The following SND1 variants were observed in gnomAD, a reference collection of about 807,000 sequenced individuals.
SND1 encodes staphylococcal nuclease domain-containing protein 1.
Under a neutral mutation model 121.7 loss-of-function variants are expected in SND1, and 38 were observed. That is an observed-to-expected ratio of 0.31 (90% confidence interval 0.24 to 0.41). SND1 has a LOEUF of 0.41. Among genes scored for constraint, SND1 ranks in the 10% least tolerant of loss-of-function variants. The pLI, the probability that SND1 is intolerant of heterozygous loss-of-function variation, is 1.00. For synonymous variants in SND1, 401 were observed against 447.4 expected, an observed-to-expected ratio of 0.90 and a Z score of 1.31; for missense variants, 868 against 1,184.6, an observed-to-expected ratio of 0.73 and a Z score of 3.92.
At chr7:127,926,565 T>TTC (rs1800840669) in intron 14 of SND1, among the ~76,000 whole-genome samples, 2 of 142,000 alleles carry the variant, frequency 1.4e-5, no homozygotes, top group Non-Finnish European at 3.1e-5. Context: ...TTTTTTTTTT[T>TTC]TTTTTTTGTC....
intron 14 of SND1, among the ~76,000 whole-genome samples, chr7:127,924,557 T>C (rs980089617): frequency 1.3e-5 from 2 of 152,168 alleles, no homozygotes; most frequent in African/African-American, 4.8e-5. Flanking sequence ...CACACCGACA[T>C]CCTAAACCCT....
chr7:127,960,559 G>T (rs772844020), intron 15 of SND1, among the ~76,000 whole-genome samples: 1 of 152,204 alleles, frequency 6.6e-6, no homozygotes, highest in Non-Finnish European at 1.5e-5. Flanking sequence ...CTGAGGTTAA[G>T]TAATGATGAA....
At chr7:127,963,104 T>C (rs1303144207) in intron 15 of SND1, among the ~76,000 whole-genome samples, 1 of 152,218 alleles carries the variant, frequency 6.6e-6, no homozygotes, top group Non-Finnish European at 1.5e-5. Context: ...CATTATGTTC[T>C]GACCTGAACA....
At position 128,015,911 on chromosome 7, in the gene SND1, C is replaced by G. The variant is rs868577050; in HGVS notation, c.1779+24855C>G. On this transcript the variant is annotated intron_variant, in intron 16 of 23. Transcript: ENST00000354725. This position sits in a 1 kb window ranked among gnomAD's most constrained non-coding sequence, Gnocchi z 4.5. ...GCAGCAGCCTACCATGCTGCCCCTT[C>G]CACTTTAGATAGGGCCATGCAATGT... Among the ~76,000 whole-genome samples the G allele has an allele frequency of 6.6e-6, 1 of 152,182 alleles. No individual in the cohort carries two copies. The highest frequency in any genetic ancestry group is 2.4e-5 in the African/African-American group (1 of 41,436).
At chr7:127,892,361 A>G (rs554518027) in intron 13 of SND1, among the ~76,000 whole-genome samples, 2 of 152,194 alleles carry the variant, frequency 1.3e-5, no homozygotes, top group East Asian at 1.9e-4. Flanking sequence ...AAGAATACCA[A>G]TTTGCAGTTT....
At chr7:127,911,722 G>A (rs1337152613) in intron 14 of SND1, among the ~76,000 whole-genome samples, 1 of 152,040 alleles carries the variant, frequency 6.6e-6, no homozygotes, top group African/African-American at 2.4e-5. Flanking sequence ...GGCTGGTCTT[G>A]AACTCCTGAC....
chr7:127,754,522 T>A (rs759735888), intron 10 of SND1, among the ~76,000 whole-genome samples: 10 of 152,228 alleles, frequency 6.6e-5, no homozygotes, highest in Non-Finnish European at 1.2e-4. Flanking sequence ...GGTTGATAGA[T>A]CATTTGTTAT....
At position 127,718,898 on chromosome 7, in the gene SND1, G is replaced by T. The variant is rs1796440110; in HGVS notation, c.1039-2389G>T. The T allele has an allele frequency of 9.6e-6, 3 of 311,058 alleles. No individual in the cohort carries two copies. In the South Asian group the frequency reaches 3.8e-4, roughly 39 times the overall value. The allele number at this position is 311,058 out of a possible 1,614,324, so 19.3% of individuals were successfully genotyped here. A position where few individuals can be genotyped will look rare whatever the true frequency, so the allele number is the denominator to read the frequency against. On this transcript the variant is annotated intron_variant, in intron 9 of 23. Coordinates refer to ENST00000354725, the MANE Select transcript of SND1 (RefSeq NM_014390.4). Reference sequence around the variant, plus strand: ...GGAATTCACAACAAGAATTTGTTTTGGTTTGAGAGAAGGTGTAGATCTGTC... The same window carrying T: ...GGAATTCACAACAAGAATTTGTTTTTGTTTGAGAGAAGGTGTAGATCTGTC...
intron 10 of SND1, among the ~76,000 whole-genome samples, chr7:127,793,975 T>A (rs1797963676): frequency 6.6e-6 from 1 of 152,214 alleles, no homozygotes; most frequent in South Asian, 2.1e-4. Context: ...GAAATTGCTA[T>A]GCCAGCTGGG....
At chr7:127,984,480 C>T (rs1464464589) in intron 15 of SND1, among the ~76,000 whole-genome samples, 1 of 152,220 alleles carries the variant, frequency 6.6e-6, no homozygotes, top group Non-Finnish European at 1.5e-5. Context: ...CCAGGTGTGT[C>T]AGACTAAACC....
At chr7:127,722,567 A>G (rs1014186693) in intron 10 of SND1, among the ~76,000 whole-genome samples, 1 of 152,116 alleles carries the variant, frequency 6.6e-6, no homozygotes, top group Non-Finnish European at 1.5e-5. Context: ...TAACTAAAAA[A>G]AGGTAGATAA....
At chr7:127,878,529 C>A (rs1306439940) in intron 12 of SND1, among the ~76,000 whole-genome samples, 1 of 152,184 alleles carries the variant, frequency 6.6e-6, no homozygotes, top group African/African-American at 2.4e-5. Context: ...CAGCTCTTGA[C>A]AACCCTTGGT....
chr7:127,829,451 T>G (rs1798700204), intron 11 of SND1, among the ~76,000 whole-genome samples: 1 of 152,224 alleles, frequency 6.6e-6, no homozygotes, highest in Non-Finnish European at 1.5e-5. Context: ...GTGGACAGAT[T>G]AGGAGATTAA....
At chr7:128,070,281 G>A (rs1793386980) in intron 16 of SND1, among the ~76,000 whole-genome samples, 1 of 152,228 alleles carries the variant, frequency 6.6e-6, no homozygotes, top group African/African-American at 2.4e-5. Flanking sequence ...TGGGCACTAA[G>A]TAGAGGGGAA....
intron 14 of SND1, among the ~76,000 whole-genome samples, chr7:127,905,083 A>T (rs1440729205): frequency 6.6e-6 from 1 of 152,004 alleles, no homozygotes; most frequent in Non-Finnish European, 1.5e-5. Flanking sequence ...CTGTATTTTG[A>T]GTTTGGAAGG....
chr7:128,074,447 C>G, intron 16 of SND1, 55 bp from the exon 17 acceptor site: 2 of 1,544,860 alleles, frequency 1.3e-6, no homozygotes, highest in East Asian at 2.3e-5. Flanking sequence ...ACGGGCACAG[C>G]CCCTGCACAC....
intron 10 of SND1, among the ~76,000 whole-genome samples, chr7:127,756,227 A>G (rs1797191950): frequency 6.6e-6 from 1 of 152,070 alleles, no homozygotes; most frequent in African/African-American, 2.4e-5. Context: ...GGGGAGATGG[A>G]TTCTATTTTC....
At chr7:128,070,058 TG>T (rs1356157686) in intron 16 of SND1, among the ~76,000 whole-genome samples, 2 of 152,238 alleles carry the variant, frequency 1.3e-5, no homozygotes, top group Non-Finnish European at 2.9e-5. Flanking sequence ...CAAGAGATGC[TG>T]GCAGACCAGC....
chr7:127,788,668 A>G (rs1211475150), intron 10 of SND1, among the ~76,000 whole-genome samples: 1 of 152,196 alleles, frequency 6.6e-6, no homozygotes, highest in African/African-American at 2.4e-5. Context: ...GTCTTCAGAA[A>G]TCGCTTTGAA....
Sources: gnomAD v4.1 joint callset for allele counts (sites outside exome capture counted in the v4.1 genomes callset) on GRCh38, gnomAD v4.1.1 for gene constraint, Gnocchi (gnomAD v3.1) non-coding constraint, MANE v1.5 for transcripts, NCBI Gene and HGNC (gene_info 2026-07-23, HGNC 2026-07-21) for gene names.